RGS7: variants seen among roughly 807,000 people sequenced by gnomAD.
The protein encoded by RGS7 is regulator of G-protein signaling 7.
A neutral mutation model predicts 81.1 loss-of-function variants in RGS7; 27 were observed. The observed-to-expected ratio is 0.33, with a 90% CI of 0.25 to 0.46. The LOEUF is 0.46. RGS7 is among the 20% of genes least tolerant of loss of function. The probability of loss-of-function intolerance (pLI) is 1.00; values close to 1 mark genes in which losing one functional copy is unlikely to be tolerated. For synonymous variants in RGS7, 208 were observed against 207.7 expected (o/e 1.00, Z -0.01); for missense variants, 396 against 607.4 (o/e 0.65, Z 3.66).
At chr1:241,334,597 A>C (rs76788227) in intron 2 of RGS7, among the ~76,000 whole-genome samples, 3,825 of 152,278 alleles carry the variant, frequency 0.025, 95 homozygotes, top group African/African-American at 0.063. Context: ...TACAGTGGGA[A>C]GGGACTATCC....
chr1:240,829,367 G>C (rs1476341363), intron 9 of RGS7, among the ~76,000 whole-genome samples: 1 of 152,088 alleles, frequency 6.6e-6, no homozygotes, highest in Non-Finnish European at 1.5e-5. Flanking sequence ...CCCAGCATCT[G>C]GTTGCTGAGT....
At chr1:240,803,954 A>G (rs954163574) in intron 15 of RGS7, among the ~76,000 whole-genome samples, 2 of 152,094 alleles carry the variant, frequency 1.3e-5, no homozygotes, top group Non-Finnish European at 2.9e-5. Flanking sequence ...CTTTAAATTC[A>G]TTTAAAGACA....
intron 6 of RGS7, among the ~76,000 whole-genome samples, chr1:240,899,532 C>T (rs1477279688): frequency 6.6e-6 from 1 of 152,140 alleles, no homozygotes; most frequent in African/African-American, 2.4e-5. Context: ...TTTATTTCTC[C>T]TTCACTTAGG....
At chr1:241,042,914 C>T (rs2060699669) in intron 3 of RGS7, among the ~76,000 whole-genome samples, 1 of 151,046 alleles carries the variant, frequency 6.6e-6, no homozygotes, top group Non-Finnish European at 1.5e-5. Context: ...CGAGATTGCA[C>T]CATTGCACTC....
intron 4 of RGS7, among the ~76,000 whole-genome samples, chr1:240,951,690 T>C (rs1050256821): frequency 2.4e-4 from 37 of 152,034 alleles, no homozygotes; most frequent in African/African-American, 8.5e-4. Flanking sequence ...CATAACATAA[T>C]TGGAATACCA....
intron 2 of RGS7, among the ~76,000 whole-genome samples, chr1:241,295,415 T>C (rs565661190): frequency 5.4e-4 from 82 of 151,682 alleles, no homozygotes; most frequent in African/African-American, 2.0e-3. Context: ...ATCGGGCCTC[T>C]GCACTCCAGC....
chr1:240,831,741 T>G (rs954914338), intron 9 of RGS7, among the ~76,000 whole-genome samples: 6 of 152,078 alleles, frequency 3.9e-5, no homozygotes, highest in African/African-American at 1.4e-4. Flanking sequence ...GTTCAAGTGA[T>G]TCTCCTGTCT....
intron 3 of RGS7, among the ~76,000 whole-genome samples, chr1:241,016,255 C>T (rs940174119): frequency 5.9e-5 from 9 of 152,120 alleles, no homozygotes; most frequent in Admixed American, 3.3e-4. Context: ...TGCGGTGGCT[C>T]ACGCCTGTAA....
At chr1:240,799,542 G>A (rs764712838) in intron 18 of RGS7, among the ~76,000 whole-genome samples, 6 of 151,692 alleles carry the variant, frequency 4.0e-5, no homozygotes, top group Non-Finnish European at 7.4e-5. Context: ...TATACCATTG[G>A]GTACCTTTGA....
intron 2 of RGS7, among the ~76,000 whole-genome samples, chr1:241,252,096 T>G (rs1378266905): frequency 6.6e-6 from 1 of 150,502 alleles, no homozygotes; most frequent in Non-Finnish European, 1.5e-5. Context: ...CAGGCTGGAG[T>G]GCAATGGTGT....
At chr1:240,878,375 T>G (rs1337757656) in intron 6 of RGS7, among the ~76,000 whole-genome samples, 1 of 152,166 alleles carries the variant, frequency 6.6e-6, no homozygotes, top group African/African-American at 2.4e-5. Flanking sequence ...TCCGCATGGC[T>G]AGAAGAGTAC....
intron 10 of RGS7, 88 bp from the exon 11 acceptor site, chr1:240,816,503 G>A (rs3738068): frequency 0.75 from 657,509 of 880,102 alleles, 247,750 homozygotes; most frequent in African/African-American, 0.8. Flanking sequence ...CATAAATTCA[G>A]TAAGGTCTCT....
intron 2 of RGS7, among the ~76,000 whole-genome samples, chr1:241,115,750 A>G (rs1033051250): frequency 2.6e-5 from 4 of 152,192 alleles, no homozygotes; most frequent in African/African-American, 9.7e-5. Context: ...CATGGACGAC[A>G]ATGACTATGA....
At chr1:240,896,715 C>A (rs1196221054) in intron 6 of RGS7, among the ~76,000 whole-genome samples, 1 of 152,044 alleles carries the variant, frequency 6.6e-6, no homozygotes, top group Non-Finnish European at 1.5e-5. Flanking sequence ...GTCAGGTTAG[C>A]GTGATGCCTC....
intron 4 of RGS7, among the ~76,000 whole-genome samples, chr1:240,967,234 T>C (rs1325049035): frequency 1.3e-5 from 2 of 152,222 alleles, no homozygotes; most frequent in Non-Finnish European, 2.9e-5. Context: ...AGAAACTGTT[T>C]ACTCTTTTTC....
intron 2 of RGS7, among the ~76,000 whole-genome samples, chr1:241,179,406 T>G (rs1307229008): frequency 6.6e-6 from 1 of 152,106 alleles, no homozygotes; most frequent in Non-Finnish European, 1.5e-5. Flanking sequence ...TTTTTAAACT[T>G]TGGCTGATAA....
At chr1:241,112,399 T>C (rs1235140491) in intron 2 of RGS7, among the ~76,000 whole-genome samples, 1 of 152,138 alleles carries the variant, frequency 6.6e-6, no homozygotes, top group Non-Finnish European at 1.5e-5. Flanking sequence ...CCAGCTGGCT[T>C]AGTCCATGAA....
At chr1:240,828,717 G>A (rs1572293069) in intron 9 of RGS7, among the ~76,000 whole-genome samples, 1 of 152,216 alleles carries the variant, frequency 6.6e-6, no homozygotes, top group East Asian at 1.9e-4. Flanking sequence ...AGCCCAGGAG[G>A]TGGAGGTTGC....
At chr1:240,822,084 C>T (rs1691901286) in intron 10 of RGS7, among the ~76,000 whole-genome samples, 1 of 152,164 alleles carries the variant, frequency 6.6e-6, no homozygotes, top group Non-Finnish European at 1.5e-5. Context: ...ATGGGATTAA[C>T]ATTTAAATCA....
Sources: allele counts gnomAD v4.1 joint callset (sites outside exome capture counted in the v4.1 genomes callset), GRCh38; gene constraint gnomAD v4.1.1; transcripts MANE v1.5; gene names NCBI Gene and HGNC (gene_info 2026-07-23, HGNC 2026-07-21).